LAMB4: variants seen among roughly 807,000 people sequenced by gnomAD.
LAMB4 encodes laminin subunit beta-4.
LAMB4 carries 196 observed loss-of-function variants against 199.2 expected under a neutral mutation model. That is an observed-to-expected ratio of 0.98 (90% CI 0.88 to 1.11). The LOEUF (loss-of-function observed/expected upper bound fraction) is 1.11. LAMB4 is among the 50% of genes least tolerant of loss of function. LAMB4 has a pLI of 0.00. For missense variants in LAMB4, 2,080 were observed against 2,171.2 expected (o/e 0.96, Z 0.83); for synonymous variants, 744 against 770.6 (o/e 0.97, Z 0.57).
chr7:108,067,655 C>G (rs886636455), intron 19 of LAMB4, among the ~76,000 whole-genome samples: 4 of 152,202 alleles, frequency 2.6e-5, no homozygotes, highest in Admixed American at 6.5e-5. Flanking sequence ...GCCTTTCCAG[C>G]CACTGGGTTT....
chr7:108,020,753 CT>C (rs1158380294), downstream of LAMB4, among the ~76,000 whole-genome samples: 1 of 152,140 alleles, frequency 6.6e-6, no homozygotes, highest in Non-Finnish European at 1.5e-5. Context: ...CAAAAGGTTC[CT>C]TTTTGTACCT....
At position 108,047,832 on chromosome 7, in the gene LAMB4, G is replaced by A. The variant is rs1431804443; in HGVS notation, c.4326+76C>T. On this transcript the variant is annotated intron_variant, in intron 28 of 33. Transcript: ENST00000388781. ...CTATCTTCTCACTTGGAAGTTATAT[G>A]GCAGTTTTATAAATTTTAAGCAGTC... is the stretch of plus-strand genomic sequence containing the variant. 8.6e-6 allele frequency: 10 copies of A among 1,162,120 alleles called. No individual in the cohort carries two copies. In the Admixed American group the frequency reaches 1.8e-4, roughly 20 times the overall value. 72.0% of individuals were successfully genotyped at this position (1,162,120 alleles called of 1,614,324 possible).
rs1306340144 is a variant in LAMB4, at chr7:108,049,518, G to T, written c.3930C>A (p.Asn1310Lys). The T allele has an allele frequency of 2.5e-6, 4 of 1,599,068 alleles. No individual in the cohort carries two copies. The highest frequency in any genetic ancestry group is 3.4e-6 in the Non-Finnish European group (4 of 1,169,914). ...LNASIADSSE[N>K]IKKYYHISSS... ...ATGATATGTGATAATATTTCTTGAT[G>T]TTTTCTGAGGAGTCTACGTCAATGC... Residue 1310 changes from asparagine to lysine, a missense_variant, in exon 27 of 34, where the codon AAC (asparagine) becomes AAA (lysine). Transcript: ENST00000388781.
In LAMB4 at chr7:108,055,653, T is replaced by G; in HGVS notation, c.3734A>C (p.Lys1245Thr). ...VFPSGKFLKV[K>T]DYHDSVRRQI... ...TTACCTAACAGAGTCATGATAATCC[T>G]TGACTTTTAAGAATTTCCCAGATGG... is the stretch of plus-strand genomic sequence containing the variant. The change falls in exon 25 of 34, where the codon AAG (lysine) becomes ACG (threonine). Residue 1245 changes from lysine to threonine, a missense_variant. Transcript: ENST00000388781. 1 of 1,613,714 alleles carries G rather than the reference T, an allele frequency of 6.2e-7. No homozygotes were observed. The highest frequency in any genetic ancestry group is 8.5e-7 in the Non-Finnish European group (1 of 1,179,868).
chr7:108,101,451 T>C (rs1231076678), intron 10 of LAMB4, among the ~76,000 whole-genome samples: 1 of 152,202 alleles, frequency 6.6e-6, no homozygotes, highest in Non-Finnish European at 1.5e-5. Flanking sequence ...CCATGGGACA[T>C]GGGGACATGG....
At chr7:108,051,951 C>T in intron 26 of LAMB4, 146 bp downstream of exon 26, 1 of 558,018 alleles carries the variant, frequency 1.8e-6, no homozygotes, top group Non-Finnish European at 3.0e-6. Flanking sequence ...TATCCATGAA[C>T]AAATAATACC....
At chr7:108,097,715 CAAAT>C (rs60046996) in intron 11 of LAMB4, among the ~76,000 whole-genome samples, 6,532 of 151,674 alleles carry the variant, frequency 0.043, 442 homozygotes, top group African/African-American at 0.15. Context: ...CTCCGTCTCA[CAAAT>C]AAATAAATAA....
intron 33 of LAMB4, among the ~76,000 whole-genome samples, chr7:108,025,378 CT>C (rs1402437412): frequency 2.8e-5 from 3 of 106,454 alleles, no homozygotes; most frequent in Admixed American, 8.6e-5. Flanking sequence ...TTCTTTCTTT[CT>C]TTTCTTTTCT....
chr7:108,100,487 G>A (rs1057176823), intron 10 of LAMB4, among the ~76,000 whole-genome samples: 1 of 152,156 alleles, frequency 6.6e-6, no homozygotes, highest in Non-Finnish European at 1.5e-5. Context: ...TCTCATGATA[G>A]TAGTTTGTTA....
chr7:108,048,160 T>TTTTGC (rs1233455996), intron 27 of LAMB4, 49 bp from the exon 28 acceptor site: 1 of 398,632 alleles, frequency 2.5e-6, no homozygotes, highest in Non-Finnish European at 3.7e-6. Context: ...TGTCAGAGCT[T>TTTTGC]TTTTTTTTTT....
At chr7:108,040,851 CAA>C (rs758809650) in intron 29 of LAMB4, among the ~76,000 whole-genome samples, 43 of 152,068 alleles carry the variant, frequency 2.8e-4, no homozygotes, top group Non-Finnish European at 4.9e-4. Flanking sequence ...CAGGCATGGG[CAA>C]AGATTTCATG....
In LAMB4 at chr7:108,114,782, G is replaced by A. The variant is rs148479534; in HGVS notation, c.192+1222C>T. On this transcript the variant is annotated intron_variant, in intron 3 of 33. Coordinates refer to ENST00000388781, the MANE Select transcript of LAMB4 (RefSeq NM_007356.3). Reference sequence around the variant, plus strand: ...ACATCCTCTCATTTATGGGGTGGACGTGATTACCTCAGGGTTTTTGGTAGG... The same window carrying A: ...ACATCCTCTCATTTATGGGGTGGACATGATTACCTCAGGGTTTTTGGTAGG... 2.6e-3 allele frequency among the ~76,000 whole-genome samples: 394 copies of A among 152,294 alleles called. 1 individual carries two copies. The highest frequency in any genetic ancestry group is 8.6e-3 in the African/African-American group (358 of 41,556).
the LAMB4 span, among the ~76,000 whole-genome samples, chr7:108,013,754 A>G: frequency 1.1e-4 from 16 of 152,334 alleles, no homozygotes; most frequent in African/African-American, 3.6e-4. Context: ...TTATGCACAG[A>G]AAGATGTTTA....
chr7:108,092,056 G>A (rs2037428034), intron 13 of LAMB4, among the ~76,000 whole-genome samples: 1 of 150,238 alleles, frequency 6.7e-6, no homozygotes, highest in Admixed American at 6.6e-5. Flanking sequence ...GGGGGCTTTA[G>A]GATCTCTCTT....
Position 108,037,368 on chromosome 7 carries a change from A to G in LAMB4, c.4679+20T>C. 1.3e-6 allele frequency: 2 copies of G among 1,579,448 alleles called. No homozygotes were observed. ...AGATGGTCTGTTAGAGCAAGATAAG[A>G]ATATTAATACAGTACTTACTCAGCT... is the stretch of plus-strand genomic sequence containing the variant. On this transcript the variant is annotated intron_variant, in intron 30 of 33. Coordinates refer to ENST00000388781, the MANE Select transcript of LAMB4 (RefSeq NM_007356.3).
At chr7:108,048,216 G>A in intron 27 of LAMB4, 105 bp from the exon 28 acceptor site, 1 of 907,770 alleles carries the variant, frequency 1.1e-6, no homozygotes, top group Non-Finnish European at 1.6e-6. Context: ...CCAGGCTGGA[G>A]AGCAATAGCG....
chr7:108,091,485 G>T, intron 14 of LAMB4, 141 bp downstream of exon 14: 2 of 899,078 alleles, frequency 2.2e-6, no homozygotes, highest in Non-Finnish European at 3.4e-6. Context: ...GCATTTGCAG[G>T]TTATAATAAA....
At position 108,119,450 on chromosome 7, in the gene LAMB4, G is replaced by T. The variant is rs1465064589; in HGVS notation, c.35-3289C>A. ...GTACCATGGAACCTAGCAAAAAAAAGTAGTGAACCATTGATACAAGCAACA... is the reference window on the plus strand; with the variant it reads ...GTACCATGGAACCTAGCAAAAAAAATTAGTGAACCATTGATACAAGCAACA... On this transcript the variant is annotated intron_variant, in intron 2 of 33. Coordinates refer to ENST00000388781, the MANE Select transcript of LAMB4 (RefSeq NM_007356.3). Among the ~76,000 whole-genome samples, 3 of 152,312 alleles carry T rather than the reference G, an allele frequency of 2.0e-5. 1 individual carries two copies. The South Asian group carries it at 6.2e-4, about 32-fold the overall frequency.
chr7:108,122,773 T>C (rs2038645758), intron 2 of LAMB4, among the ~76,000 whole-genome samples: 1 of 152,228 alleles, frequency 6.6e-6, no homozygotes, highest in Non-Finnish European at 1.5e-5. Flanking sequence ...ATTTTGCCTG[T>C]AACTTCTTCA....
Sources: gnomAD v4.1 joint callset for allele counts (sites outside exome capture counted in the v4.1 genomes callset) on GRCh38, gnomAD v4.1.1 for gene constraint, MANE v1.5 for transcripts, NCBI Gene and HGNC (gene_info 2026-07-23, HGNC 2026-07-21) for gene names.